CAMK1D: variants seen among roughly 807,000 people sequenced by gnomAD.
CAMK1D encodes the protein calcium/calmodulin dependent protein kinase ID.
Under a neutral mutation model 47.7 loss-of-function variants are expected in CAMK1D, and 9 were observed. The observed-to-expected ratio is 0.19, with a 90% CI of 0.11 to 0.33. The LOEUF is 0.33. CAMK1D is among the 10% of genes least tolerant of loss of function. The pLI is 1.00. For missense variants in CAMK1D, 291 were observed against 488.7 expected (o/e 0.60, Z 3.81); for synonymous variants, 184 against 184.9 (o/e 0.99, Z 0.04).
intron 3 of CAMK1D, among the ~76,000 whole-genome samples, chr10:12,729,823 C>T (rs577436650): frequency 1.5e-3 from 221 of 152,080 alleles, no homozygotes; most frequent in Middle Eastern, 3.4e-3. Flanking sequence ...ACCCGAAGTG[C>T]GAGGGTGCCT....
intron 8 of CAMK1D, among the ~76,000 whole-genome samples, chr10:12,818,921 C>T (rs1318685743): frequency 1.3e-5 from 2 of 152,024 alleles, no homozygotes; most frequent in African/African-American, 2.4e-5. Context: ...TCAAAGTATG[C>T]GACGATAAAG....
chr10:12,802,224 C>T lies in CAMK1D; in HGVS notation c.641+10991C>T, dbSNP rs1399375346. Among the ~76,000 whole-genome samples, 7 of 152,320 alleles carry T rather than the reference C, an allele frequency of 4.6e-5. No individual in the cohort carries two copies. The East Asian group carries it at 5.8e-4, about 13-fold the overall frequency. ...TTATTTTCCAATTTCTCCCCATCAGCGAGGCACTCCTGTCCCCTGGCCAGC... is the reference window on the plus strand; with the variant it reads ...TTATTTTCCAATTTCTCCCCATCAGTGAGGCACTCCTGTCCCCTGGCCAGC... On this transcript the variant is annotated intron_variant, in intron 6 of 10. Transcript: ENST00000619168.
At chr10:12,466,994 G>C (rs1029800915) in intron 1 of CAMK1D, among the ~76,000 whole-genome samples, 1 of 152,076 alleles carries the variant, frequency 6.6e-6, no homozygotes, top group Non-Finnish European at 1.5e-5. Context: ...AGCAAAGCAA[G>C]CACCCCAGGA....
At chr10:12,669,266 C>T (rs1189749296) in intron 3 of CAMK1D, among the ~76,000 whole-genome samples, 4 of 151,616 alleles carry the variant, frequency 2.6e-5, no homozygotes, top group African/African-American at 4.8e-5. Context: ...AAAACCACGT[C>T]GTTAATATGG....
At chr10:12,472,814 G>A (rs186516944) in intron 1 of CAMK1D, among the ~76,000 whole-genome samples, 9 of 152,254 alleles carry the variant, frequency 5.9e-5, no homozygotes, top group Non-Finnish European at 1.2e-4. Flanking sequence ...GAGCCACCGC[G>A]CCTGGCCTCA....
intron 1 of CAMK1D, among the ~76,000 whole-genome samples, chr10:12,366,194 A>G (rs2131848805): frequency 6.6e-6 from 1 of 152,380 alleles, no homozygotes; most frequent in Admixed American, 6.5e-5. Flanking sequence ...CACAAACCCC[A>G]AAGTTTCATA....
At chr10:12,479,541 G>A (rs1834002482) in intron 1 of CAMK1D, among the ~76,000 whole-genome samples, 4 of 152,292 alleles carry the variant, frequency 2.6e-5, no homozygotes, top group South Asian at 4.1e-4. Flanking sequence ...TGCTGCTGCC[G>A]CCGCTGCTGT....
At chr10:12,553,030 A>G (rs910823886) in intron 1 of CAMK1D, among the ~76,000 whole-genome samples, 195 bp from the exon 2 acceptor site, 3 of 152,148 alleles carry the variant, frequency 2.0e-5, no homozygotes, top group Non-Finnish European at 4.4e-5. Context: ...GGCATGAGCC[A>G]CTGCGCCGGG....
chr10:12,619,700 C>G (rs1393649304), intron 2 of CAMK1D, among the ~76,000 whole-genome samples: 1 of 151,704 alleles, frequency 6.6e-6, no homozygotes, highest in African/African-American at 2.4e-5. Flanking sequence ...TCTCATGTAC[C>G]CTTTACCAAG....
chr10:12,596,845 T>C (rs996956478), intron 2 of CAMK1D, among the ~76,000 whole-genome samples: 1 of 152,078 alleles, frequency 6.6e-6, no homozygotes, highest in Non-Finnish European at 1.5e-5. Flanking sequence ...TTAGACCTGG[T>C]AATTTTTTTT....
At chr10:12,448,317 G>A (rs1564345843) in intron 1 of CAMK1D, among the ~76,000 whole-genome samples, 1 of 148,316 alleles carries the variant, frequency 6.7e-6, no homozygotes, top group Non-Finnish European at 1.5e-5. Context: ...GAGCCACGAT[G>A]CCTGGATTTT....
intron 6 of CAMK1D, among the ~76,000 whole-genome samples, chr10:12,804,533 G>A (rs376288290): frequency 6.6e-6 from 1 of 152,142 alleles, no homozygotes; most frequent in African/African-American, 2.4e-5. Flanking sequence ...AGAATCGCTT[G>A]AACTCAGGAG....
At chr10:12,800,846 G>C (rs139934376) in intron 6 of CAMK1D, among the ~76,000 whole-genome samples, 86 of 152,270 alleles carry the variant, frequency 5.6e-4, no homozygotes, top group African/African-American at 1.9e-3. Flanking sequence ...ATAATACAGC[G>C]CTCAGAATAA....
At chr10:12,356,428 T>G (rs1215604762) in intron 1 of CAMK1D, among the ~76,000 whole-genome samples, 1 of 152,202 alleles carries the variant, frequency 6.6e-6, no homozygotes, top group Non-Finnish European at 1.5e-5. Flanking sequence ...AGCCTTGGGC[T>G]TCTGGGCTCC....
chr10:12,808,748 A>C (rs571474071), intron 6 of CAMK1D, among the ~76,000 whole-genome samples: 1 of 152,328 alleles, frequency 6.6e-6, no homozygotes, highest in South Asian at 2.1e-4. Flanking sequence ...ACTGCACTCC[A>C]ACCTGGGCAA....
intron 2 of CAMK1D, among the ~76,000 whole-genome samples, chr10:12,579,863 A>G (rs1297930895): frequency 1.3e-5 from 2 of 152,110 alleles, no homozygotes; most frequent in Admixed American, 6.5e-5. Flanking sequence ...ATGAGTTCCC[A>G]CCAAGATAGG....
chr10:12,600,020 A>T (rs1032123606), intron 2 of CAMK1D, among the ~76,000 whole-genome samples: 3 of 152,170 alleles, frequency 2.0e-5, no homozygotes, highest in Non-Finnish European at 4.4e-5. Context: ...CAGGAGGATC[A>T]CTTGAGCTCA....
chr10:12,559,926 C>G (rs1294302481), intron 2 of CAMK1D, among the ~76,000 whole-genome samples: 1 of 152,124 alleles, frequency 6.6e-6, no homozygotes, highest in African/African-American at 2.4e-5. Flanking sequence ...GGGCCGAAGT[C>G]AGGATGGATG....
intron 1 of CAMK1D, among the ~76,000 whole-genome samples, chr10:12,503,645 T>C (rs540952211): frequency 1.3e-5 from 2 of 152,290 alleles, no homozygotes; most frequent in African/African-American, 2.4e-5. Context: ...AATGAACACA[T>C]TTGATGCGAG....
Sources: gnomAD v4.1 joint callset for allele counts (sites outside exome capture counted in the v4.1 genomes callset) on GRCh38, gnomAD v4.1.1 for gene constraint, MANE v1.5 for transcripts, NCBI Gene and HGNC (gene_info 2026-07-23, HGNC 2026-07-21) for gene names.